ZAN: variants seen among roughly 807,000 people sequenced by gnomAD.
The protein encoded by ZAN is zonadhesin, also known as zonadhesin (gene/pseudogene).
In ZAN, 260 loss-of-function variants were observed where a neutral mutation model predicts 286.2. That is an observed-to-expected ratio of 0.91 (90% CI 0.82 to 1.01). The LOEUF is 1.01. ZAN is among the 50% of genes least tolerant of loss of function. ZAN has a pLI of 0.00. For missense variants in ZAN, 3,410 were observed against 3,639.2 expected, an observed-to-expected ratio of 0.94 and a Z score of 1.62; for synonymous variants, 1,368 against 1,417.5, an observed-to-expected ratio of 0.97 and a Z score of 0.79.
Position 100,769,878 on chromosome 7 carries a change from A to T in ZAN, c.5154-2A>T. On this transcript the variant is annotated splice_acceptor_variant, in intron 27 of 47. Coordinates refer to ENST00000613979, the MANE Select transcript of ZAN (RefSeq NM_003386.3). LOFTEE classifies it high-confidence loss of function. The stretch of plus-strand genomic sequence containing the variant: ...CCTCAGTTTCTATTCTCTCTCATTT[A>T]GCTGTTTCCTTGTGGGTGGCAAGCC... 1 of 1,554,024 alleles carries T rather than the reference A, an allele frequency of 6.4e-7. No homozygotes were observed. The highest frequency in any genetic ancestry group is 8.7e-7 in the Non-Finnish European group (1 of 1,148,192).
chr7:100,747,726 C>T (rs2075670), intron 9 of ZAN, 85 bp downstream of exon 9: 1 of 1,330,594 alleles, frequency 7.5e-7, no homozygotes. Flanking sequence ...TGCTGTGGCT[C>T]ATGCCTGTAT....
rs980383333 is a variant in ZAN at position 100,758,305 on chromosome 7, G to A, written c.3413G>A (p.Cys1138Tyr). ...TCTCAGTGTGGGACACACACCGTGT[G>A]CCAGCTTAAGAATGGCCAGTATGGA... ...QISQCGTHTV[C>Y]QLKNGQYGCH... The change falls in exon 16 of 48, where the codon TGC (cysteine) becomes TAC (tyrosine). Residue 1138 changes from cysteine (C) to tyrosine (Y), a missense_variant. Around this residue, in one of 7 missense-constraint regions of ZAN, gnomAD observed 1,042 missense variants for 1,058.0 expected, o/e 0.98. Coordinates refer to ENST00000613979, the MANE Select transcript of ZAN (RefSeq NM_003386.3). 5 of 1,613,232 alleles carry A rather than the reference G, an allele frequency of 3.1e-6. No homozygotes were observed. Among genetic ancestry groups the A allele is most frequent in the Non-Finnish European group, 4.2e-6 (5 of 1,179,882 alleles).
At chr7:100,778,186 A>G (rs1810948140) in intron 34 of ZAN, among the ~76,000 whole-genome samples, 1 of 152,080 alleles carries the variant, frequency 6.6e-6, no homozygotes, top group South Asian at 2.1e-4. Flanking sequence ...ACATGCCTGT[A>G]GTCCCAGCTA....
Position 100,763,919 on chromosome 7 carries a change from A to T in ZAN, c.4097+3A>T. 1 of 1,613,800 alleles carries T rather than the reference A, an allele frequency of 6.2e-7. No individual in the cohort carries two copies. The highest frequency in any genetic ancestry group is 8.5e-7 in the Non-Finnish European group (1 of 1,179,830). On this transcript the variant is annotated splice_donor_region_variant and intron_variant, in intron 21 of 47. Transcript: ENST00000613979. The surrounding 1 kb of genome is among the most constrained non-coding windows in gnomAD (Gnocchi z 4.6). Reference sequence around the variant, plus strand: ...GTCGACACTCATGGCCCATTTGAGTATGAAGGAGGGCAGGCAGGGTCGCAC... The same window carrying T: ...GTCGACACTCATGGCCCATTTGAGTTTGAAGGAGGGCAGGCAGGGTCGCAC...
At chr7:100,751,108 GC>G in intron 12 of ZAN, 73 bp from the exon 13 acceptor site, 1 of 1,389,762 alleles carries the variant, frequency 7.2e-7, no homozygotes, top group Non-Finnish European at 9.8e-7. Context: ...CAGATTCTAT[GC>G]CCAGTGGAAT....
At position 100,766,507 on chromosome 7, in the gene ZAN, C is replaced by T. The variant is rs975636346; in HGVS notation, c.4471-18C>T. 1.7e-5 allele frequency: 26 copies of T among 1,544,050 alleles called. 1 individual carries two copies. The highest frequency in any genetic ancestry group is 2.4e-5 in the South Asian group (2 of 83,490). On this transcript the variant is annotated intron_variant, in intron 23 of 47. Coordinates refer to ENST00000613979, the MANE Select transcript of ZAN (RefSeq NM_003386.3). Reference sequence around the variant, plus strand: ...CAAAAAAAAACACTTTCTCTTCCTTCCCTGCTGTCTTCCCCAGGTAGGGGA... The same window carrying T: ...CAAAAAAAAACACTTTCTCTTCCTTTCCTGCTGTCTTCCCCAGGTAGGGGA...
At position 100,737,060 on chromosome 7, in the gene ZAN, G is replaced by A; in HGVS notation, c.505G>A (p.Gly169Arg). The A allele has an allele frequency of 6.7e-7, 1 of 1,497,570 alleles. No homozygotes were observed. Among genetic ancestry groups the A allele is most frequent in the Non-Finnish European group, 9.1e-7 (1 of 1,094,924 alleles). The allele number at this position is 1,497,570 out of a possible 1,614,324, so 92.8% of individuals were successfully genotyped here. ...GCTCACCACCGTCACTGTGCCCGCA[G>A]GGTTCACCCTGCCCACCCGGGTAAG... ...WMLTTVTVPA[G>R]FTLPTRLMFE... Residue 169 changes from glycine to arginine, a missense_variant, in exon 5 of 48, where the codon GGG becomes AGG. By Grantham distance (125) the Gly-to-Arg change is moderately radical (BLOSUM62 -2). Coordinates refer to ENST00000613979, the MANE Select transcript of ZAN (RefSeq NM_003386.3).
At chr7:100,791,304 G>C (rs191811002) in intron 40 of ZAN, among the ~76,000 whole-genome samples, 191 bp downstream of exon 40, 1 of 152,144 alleles carries the variant, frequency 6.6e-6, no homozygotes, top group Admixed American at 6.6e-5. Context: ...ATCTCTCTCT[G>C]TGCCCCTGCC....
Position 100,762,938 on chromosome 7 carries a change from G to A in ZAN, c.3986+580G>A, listed in dbSNP as rs1010441317. On this transcript the variant is annotated intron_variant, in intron 20 of 47. Transcript: ENST00000613979. Reference sequence around the variant, plus strand: ...GGTAGACATGGGGTTCTCACCAGATGGGGGGTTGACCAGGCTGCTGGCCCT... The same window carrying A: ...GGTAGACATGGGGTTCTCACCAGATAGGGGGTTGACCAGGCTGCTGGCCCT... Among the ~76,000 whole-genome samples the A allele has an allele frequency of 3.4e-4, 51 of 151,182 alleles. 1 individual carries two copies. Among genetic ancestry groups the A allele is most frequent in the Admixed American group, 6.6e-5 (1 of 15,166 alleles).
chr7:100,776,424 C>A lies in ZAN; in HGVS notation c.6193-16C>A. 1 of 1,599,340 alleles carries A rather than the reference C, an allele frequency of 6.3e-7. No homozygotes were observed. The highest frequency in any genetic ancestry group is 1.1e-5 in the South Asian group (1 of 88,344). Reference sequence around the variant, plus strand: ...TCGTGCTTCCCCAGCACCGAAAAACCACTCTCCCCCGCCAGGTCTGCGGCA... The same window carrying A: ...TCGTGCTTCCCCAGCACCGAAAAACAACTCTCCCCCGCCAGGTCTGCGGCA... On this transcript the variant is annotated splice_polypyrimidine_tract_variant and intron_variant, in intron 33 of 47. Coordinates refer to ENST00000613979, the MANE Select transcript of ZAN (RefSeq NM_003386.3).
intron 15 of ZAN, 143 bp from the exon 16 acceptor site, chr7:100,758,059 T>A (rs534014570): frequency 4.9e-6 from 4 of 821,916 alleles, no homozygotes; most frequent in Non-Finnish European, 6.2e-6. Flanking sequence ...GCACTCCAGC[T>A]TGGGCAACAG....
intron 42 of ZAN, among the ~76,000 whole-genome samples, chr7:100,793,001 A>AAAAAAAAAAAAAAG: frequency 6.8e-6 from 1 of 146,160 alleles, no homozygotes; most frequent in Non-Finnish European, 1.5e-5. Context: ...AAAAAAAGAA[A>AAAAAAAAAAAAAAG]GAAAGAAAGA....
intron 36 of ZAN, among the ~76,000 whole-genome samples, chr7:100,785,302 C>T (rs1040893812): frequency 8.0e-5 from 12 of 149,938 alleles, no homozygotes; most frequent in Non-Finnish European, 1.6e-4. Flanking sequence ...ATAATCTCTG[C>T]GCACTGCAAT....
intron 27 of ZAN, among the ~76,000 whole-genome samples, chr7:100,768,939 G>A (rs2116075034): frequency 6.6e-6 from 1 of 152,240 alleles, no homozygotes; most frequent in East Asian, 1.9e-4. Context: ...TTTCTCCCAT[G>A]CTTAGTGATC....
chr7:100,795,200 C>T lies in ZAN; in HGVS notation c.8130C>T (p.Ser2710=), dbSNP rs755076497. Residue 2710 remains serine (S), a synonymous_variant, in exon 45 of 48, where the codon AGC becomes AGT. Coordinates refer to ENST00000613979, the MANE Select transcript of ZAN (RefSeq NM_003386.3). ...CAACCCTCTCTGTCCTTGCAGAAAGCCCGTGTCTGCAGAACCCCTGTCAGA... is the reference window on the plus strand; with the variant it reads ...CAACCCTCTCTGTCCTTGCAGAAAGTCCGTGTCTGCAGAACCCCTGTCAGA... The part of the protein sequence containing the change: ...GNHTQGCFPE[S]PCLQNPCQND... 6.2e-7 allele frequency: 1 copy of T among 1,607,606 alleles called. No individual in the cohort carries two copies. The highest frequency in any genetic ancestry group is 2.3e-5 in the East Asian group (1 of 44,206).
At chr7:100,738,983 C>T (rs1272002231) in intron 7 of ZAN, among the ~76,000 whole-genome samples, 5 of 49,200 alleles carry the variant, frequency 1.0e-4, no homozygotes, top group Non-Finnish European at 9.0e-5. Context: ...CCCTCTCCCT[C>T]TCCCTCTCCT....
intron 17 of ZAN, 79 bp from the exon 18 acceptor site, chr7:100,759,636 CCTGCGG>C: frequency 1.5e-6 from 2 of 1,312,912 alleles, no homozygotes; most frequent in Non-Finnish European, 2.0e-6. Context: ...CTCATCTCTC[CCTGCGG>C]CGCCAGGCTC....
In ZAN at chr7:100,755,212, T is replaced by C; in HGVS notation, c.3125-14T>C. 1.2e-6 allele frequency: 2 copies of C among 1,601,360 alleles called. No individual in the cohort carries two copies. Among genetic ancestry groups the C allele is most frequent in the Non-Finnish European group, 1.7e-6 (2 of 1,172,376 alleles). ...CATGGAATGAAAGCATGACAGAGGC[T>C]GTTTTCCCCTTAGAGCGCTGCCCTC... On this transcript the variant is annotated splice_polypyrimidine_tract_variant and intron_variant, in intron 14 of 47. Coordinates refer to ENST00000613979, the MANE Select transcript of ZAN (RefSeq NM_003386.3).
chr7:100,749,055 A>G (rs2115773508), intron 11 of ZAN, among the ~76,000 whole-genome samples: 1 of 151,660 alleles, frequency 6.6e-6, no homozygotes, highest in South Asian at 2.1e-4. Flanking sequence ...AAATAAAAAA[A>G]TAGGCCAGGC....
Sources: gnomAD v4.1 joint callset for allele counts (sites outside exome capture counted in the v4.1 genomes callset) on GRCh38, gnomAD v4.1.1 for gene constraint, gnomAD v4.1.1 regional missense constraint, Gnocchi (gnomAD v3.1) non-coding constraint, MANE v1.5 for transcripts, NCBI Gene and HGNC (gene_info 2026-07-23, HGNC 2026-07-21) for gene names.